The following MIX23 variants were observed in gnomAD, a reference collection of about 807,000 sequenced individuals.
The protein encoded by MIX23 is protein MIX23.
A neutral mutation model predicts 21.6 loss-of-function variants in MIX23; 13 were observed. The ratio of observed to expected loss-of-function variants is 0.60; its 90% CI spans 0.39 to 0.96. The LOEUF (loss-of-function observed/expected upper bound fraction) is 0.96. Among genes scored for constraint, MIX23 ranks in the 40% least tolerant of loss-of-function variants. MIX23 has a pLI of 0.00. For synonymous variants in MIX23, 59 were observed against 58.0 expected (o/e 1.02, Z -0.08); for missense variants, 144 against 171.2 (o/e 0.84, Z 0.89).
intron 4 of MIX23, 35 bp downstream of exon 4, chr3:122,362,933 C>G: frequency 6.3e-7 from 1 of 1,585,474 alleles, no homozygotes; most frequent in Non-Finnish European, 8.6e-7. Flanking sequence ...CAGTTTCCCT[C>G]CTACTTCTTT....
At chr3:122,377,497 A>C (rs1304032826) in intron 1 of MIX23, among the ~76,000 whole-genome samples, 1 of 152,242 alleles carries the variant, frequency 6.6e-6, no homozygotes. Flanking sequence ...ATGTCACGGA[A>C]GTCAGAAGAA....
At chr3:122,378,730 T>C (rs904247643) in intron 1 of MIX23, among the ~76,000 whole-genome samples, 1 of 152,244 alleles carries the variant, frequency 6.6e-6, no homozygotes, top group African/African-American at 2.4e-5. Flanking sequence ...AGTCAGTCAC[T>C]GACTGAAACA....
At chr3:122,382,835 G>A (rs1003017739) in intron 1 of MIX23, among the ~76,000 whole-genome samples, 1 of 152,202 alleles carries the variant, frequency 6.6e-6, no homozygotes, top group African/African-American at 2.4e-5. Context: ...AGTAGGAGAG[G>A]AATGGCAGAA....
chr3:122,379,119 T>C (rs1383196699), intron 1 of MIX23, among the ~76,000 whole-genome samples: 1 of 151,716 alleles, frequency 6.6e-6, no homozygotes, highest in East Asian at 1.9e-4. Flanking sequence ...CCAGAAAAGC[T>C]AAAGAGAAAG....
chr3:122,380,892 G>C (rs948842703), intron 1 of MIX23, among the ~76,000 whole-genome samples: 1 of 152,102 alleles, frequency 6.6e-6, no homozygotes, highest in African/African-American at 2.4e-5. Flanking sequence ...CAGTAGTGAT[G>C]AATCTTCCTA....
intron 1 of MIX23, among the ~76,000 whole-genome samples, chr3:122,376,202 T>C (rs946400807): frequency 6.8e-6 from 1 of 147,166 alleles, no homozygotes; most frequent in African/African-American, 2.5e-5. Flanking sequence ...CACCTGTACT[T>C]ATATGTTGAT....
intron 4 of MIX23, among the ~76,000 whole-genome samples, chr3:122,362,486 G>GTTTTC (rs1309649692): frequency 6.6e-6 from 1 of 151,062 alleles, no homozygotes; most frequent in African/African-American, 2.4e-5. Context: ...GTTTTGTTTT[G>GTTTTC]GTTTTTTTTT....
At chr3:122,377,958 A>G (rs2075501053) in intron 1 of MIX23, among the ~76,000 whole-genome samples, 1 of 152,250 alleles carries the variant, frequency 6.6e-6, no homozygotes, top group Admixed American at 6.5e-5. Flanking sequence ...ATGGACTGAA[A>G]AGGTAATGTG....
At chr3:122,365,569 T>C (rs1262255608) in intron 3 of MIX23, 1 of 152,248 alleles carries the variant, frequency 6.6e-6, no homozygotes, top group Non-Finnish European at 1.5e-5. Context: ...GCAAACCTCA[T>C]GCAACTCACT....
At chr3:122,376,188 A>C (rs2075485670) in intron 1 of MIX23, among the ~76,000 whole-genome samples, 2 of 151,412 alleles carry the variant, frequency 1.3e-5, no homozygotes, top group African/African-American at 4.8e-5. Context: ...AAAAAAAAAA[A>C]AGACACCTGT....
intron 2 of MIX23, 48 bp downstream of exon 2, chr3:122,371,627 T>A (rs775546495): frequency 6.3e-7 from 1 of 1,598,688 alleles, no homozygotes; most frequent in Non-Finnish European, 8.6e-7. Flanking sequence ...TTATTCAGCC[T>A]GCAAAGAAAG....
chr3:122,362,790 C>A (rs2075367406), intron 4 of MIX23, among the ~76,000 whole-genome samples, 178 bp downstream of exon 4: 1 of 151,452 alleles, frequency 6.6e-6, no homozygotes, highest in Non-Finnish European at 1.5e-5. Flanking sequence ...TAACTGCATC[C>A]TGCTCTCCCT....
At chr3:122,367,636 G>A (rs1360643231) in intron 3 of MIX23, among the ~76,000 whole-genome samples, 1 of 152,092 alleles carries the variant, frequency 6.6e-6, no homozygotes, top group Non-Finnish European at 1.5e-5. Flanking sequence ...TACACAGTAG[G>A]GAAATAAATT....
chr3:122,366,412 G>A (rs187158863), intron 3 of MIX23: 1 of 152,254 alleles, frequency 6.6e-6, no homozygotes, highest in African/African-American at 2.4e-5. Flanking sequence ...ATCCAGAATT[G>A]GCGGAATGAT....
intron 2 of MIX23, among the ~76,000 whole-genome samples, chr3:122,370,726 T>G (rs940701541): frequency 2.6e-5 from 4 of 152,148 alleles, no homozygotes; most frequent in African/African-American, 9.7e-5. Context: ...CCAAAGAAAG[T>G]GAACTGTCAA....
rs574380877 is a variant in MIX23, at chr3:122,373,869, C to T, written c.52-2069G>A. Among the ~76,000 whole-genome samples, 6 of 152,152 alleles carry T rather than the reference C, an allele frequency of 3.9e-5. No individual in the cohort carries two copies. The East Asian group carries it at 5.8e-4, about 15-fold the overall frequency. On this transcript the variant is annotated intron_variant, in intron 1 of 4. Transcript: ENST00000291458. ...TCTAAAACCAAGTTCATTATCTTCT[C>T]GTCCTGTATCTTTCTATTTTTTTAA...
At chr3:122,373,608 C>A (rs1382452021) in intron 1 of MIX23, among the ~76,000 whole-genome samples, 2 of 152,138 alleles carry the variant, frequency 1.3e-5, no homozygotes, top group African/African-American at 4.8e-5. Flanking sequence ...TTTAAGTATT[C>A]TATCCTGTTC....
In MIX23 at chr3:122,359,823, C is replaced by T. The variant is rs566554770; in HGVS notation, c.*46G>A. 2.1e-4 allele frequency: 289 copies of T among 1,344,202 alleles called. No homozygotes were observed. The African/African-American group carries it at 2.8e-3, about 13-fold the overall frequency. The allele number at this position is 1,344,202 out of a possible 1,614,324, so 83.3% of individuals were successfully genotyped here. ...CATGCTTAGCTCTTATGAGATGACC[C>T]AGTCCTTAAAAAAAAAAAAAAAAAA... On this transcript the variant is annotated 3_prime_UTR_variant, in exon 5 of 5. Transcript: ENST00000291458.
At chr3:122,377,713 T>C (rs181471236) in intron 1 of MIX23, among the ~76,000 whole-genome samples, 7 of 152,224 alleles carry the variant, frequency 4.6e-5, no homozygotes, top group Admixed American at 3.9e-4. Flanking sequence ...CCAAGCATGG[T>C]GGCATGTGCC....
Sources: allele counts gnomAD v4.1 joint callset (sites outside exome capture counted in the v4.1 genomes callset), GRCh38; gene constraint gnomAD v4.1.1; transcripts MANE v1.5; gene names NCBI Gene and HGNC (gene_info 2026-07-23, HGNC 2026-07-21).